LRMDA: variants seen among roughly 807,000 people sequenced by gnomAD.
LRMDA encodes the protein leucine-rich melanocyte differentiation-associated protein.
Under a neutral mutation model 29.8 loss-of-function variants are expected in LRMDA, and 18 were observed. That is an observed-to-expected ratio of 0.60 (90% CI 0.42 to 0.90). The LOEUF (loss-of-function observed/expected upper bound fraction) is 0.90, where lower values mean the gene tolerates loss of function less well. LRMDA is among the 40% of genes least tolerant of loss of function. LRMDA has a pLI of 0.00. For missense variants in LRMDA, 273 were observed against 273.9 expected (o/e 1.00, Z 0.02); for synonymous variants, 125 against 109.4 (o/e 1.14, Z -0.89).
intron 2 of LRMDA, among the ~76,000 whole-genome samples, chr10:75,631,462 C>G (rs1841322715): frequency 1.3e-5 from 2 of 151,436 alleles, no homozygotes; most frequent in African/African-American, 4.9e-5. Flanking sequence ...GCCATAAGAT[C>G]AACTCCCCAA....
chr10:75,564,817 A>T (rs367592707), intron 2 of LRMDA, among the ~76,000 whole-genome samples: 1 of 152,218 alleles, frequency 6.6e-6, no homozygotes, highest in Non-Finnish European at 1.5e-5. Flanking sequence ...GGTGAGGCCT[A>T]GACATCTATA....
intron 2 of LRMDA, among the ~76,000 whole-genome samples, chr10:75,939,295 T>G (rs1412924067): frequency 1.3e-5 from 2 of 152,216 alleles, no homozygotes; most frequent in African/African-American, 4.8e-5. Context: ...CTTTCCACTC[T>G]GAATTCACTG....
chr10:76,254,847 T>A (rs1852563198), intron 5 of LRMDA, among the ~76,000 whole-genome samples: 1 of 152,024 alleles, frequency 6.6e-6, no homozygotes, highest in East Asian at 1.9e-4. Context: ...TTACGACCGG[T>A]TTTATAGGAA....
chr10:76,367,390 T>C (rs369984420), intron 6 of LRMDA, among the ~76,000 whole-genome samples: 2 of 151,336 alleles, frequency 1.3e-5, no homozygotes, highest in South Asian at 4.2e-4. Flanking sequence ...TCCTGGACTT[T>C]TTGTTGTTGT....
chr10:76,515,112 CTG>C (rs1337344191), intron 6 of LRMDA, among the ~76,000 whole-genome samples: 5 of 152,158 alleles, frequency 3.3e-5, no homozygotes, highest in Non-Finnish European at 7.4e-5. Context: ...TTCAGGGACT[CTG>C]AGAACTAAGA....
chr10:75,513,686 T>C (rs1845254575), intron 2 of LRMDA, among the ~76,000 whole-genome samples: 1 of 152,154 alleles, frequency 6.6e-6, no homozygotes, highest in Admixed American at 6.5e-5. Context: ...TGCTAGCATT[T>C]TTTGGCTCTC....
intron 5 of LRMDA, among the ~76,000 whole-genome samples, chr10:76,292,295 T>C (rs1319202863): frequency 6.6e-6 from 1 of 152,170 alleles, no homozygotes; most frequent in African/African-American, 2.4e-5. Context: ...ATCCACAGTT[T>C]GGCAGAAGGG....
chr10:75,995,982 A>G (rs898507654), intron 2 of LRMDA, among the ~76,000 whole-genome samples: 3 of 152,192 alleles, frequency 2.0e-5, no homozygotes, highest in African/African-American at 4.8e-5. Flanking sequence ...GACAGACTCA[A>G]TGAATGTGCT....
chr10:76,486,021 T>G (rs986392189), intron 6 of LRMDA, among the ~76,000 whole-genome samples: 1 of 151,922 alleles, frequency 6.6e-6, no homozygotes, highest in African/African-American at 2.4e-5. Flanking sequence ...GTGATCCCTT[T>G]CAGAATATTC....
At chr10:76,309,345 T>G (rs2132375413) in intron 5 of LRMDA, among the ~76,000 whole-genome samples, 1 of 151,764 alleles carries the variant, frequency 6.6e-6, no homozygotes, top group African/African-American at 2.4e-5. Flanking sequence ...TGTCTGTGGG[T>G]GGTGGAGGTA....
intron 5 of LRMDA, among the ~76,000 whole-genome samples, chr10:76,129,634 C>G (rs1215349734): frequency 1.3e-5 from 2 of 152,134 alleles, no homozygotes; most frequent in Non-Finnish European, 2.9e-5. Flanking sequence ...TTTGCTAAAC[C>G]AGGCTTGTTT....
At chr10:76,108,990 T>C (rs984285206) in intron 5 of LRMDA, among the ~76,000 whole-genome samples, 15 of 152,168 alleles carry the variant, frequency 9.9e-5, no homozygotes, top group Non-Finnish European at 2.2e-4. Flanking sequence ...TCTGAAAGGA[T>C]AGAAAAGATG....
chr10:76,235,353 T>C (rs1206924524), intron 5 of LRMDA, among the ~76,000 whole-genome samples: 2 of 151,990 alleles, frequency 1.3e-5, no homozygotes, highest in African/African-American at 4.8e-5. Flanking sequence ...ATAATAATAA[T>C]GAAAAAGTTT....
chr10:75,808,052 GAAAATTCAC>G (rs1843889425), intron 2 of LRMDA, among the ~76,000 whole-genome samples: 1 of 152,142 alleles, frequency 6.6e-6, no homozygotes, highest in African/African-American at 2.4e-5. Context: ...TTATTTTTAG[GAAAATTCAC>G]CTTTGTCTTG....
At chr10:76,125,917 A>G (rs1340335214) in intron 5 of LRMDA, among the ~76,000 whole-genome samples, 4 of 152,202 alleles carry the variant, frequency 2.6e-5, no homozygotes, top group Non-Finnish European at 5.9e-5. Context: ...TCCTGACTAT[A>G]TGTTCTGACT....
intron 2 of LRMDA, among the ~76,000 whole-genome samples, chr10:75,687,118 T>C (rs779171661): frequency 6.6e-6 from 1 of 152,192 alleles, no homozygotes; most frequent in Non-Finnish European, 1.5e-5. Flanking sequence ...ATTAGGGCAA[T>C]TAATGACCCT....
chr10:76,292,187 G>A (rs1283273063), intron 5 of LRMDA, among the ~76,000 whole-genome samples: 1 of 152,184 alleles, frequency 6.6e-6, no homozygotes, highest in Non-Finnish European at 1.5e-5. Context: ...ATGCATTTTA[G>A]TTCCTCCTAT....
chr10:75,586,622 G>A (rs778405795), intron 2 of LRMDA, among the ~76,000 whole-genome samples: 5 of 152,102 alleles, frequency 3.3e-5, no homozygotes, highest in Non-Finnish European at 7.4e-5. Flanking sequence ...GTACAGACAT[G>A]AGGCACTGTG....
At chr10:75,877,788 C>G (rs945685520) in intron 2 of LRMDA, among the ~76,000 whole-genome samples, 2 of 152,162 alleles carry the variant, frequency 1.3e-5, no homozygotes, top group African/African-American at 2.4e-5. Context: ...GGACTCCTGT[C>G]CCAATTTTCC....
Sources: gnomAD v4.1 joint callset for allele counts (sites outside exome capture counted in the v4.1 genomes callset) on GRCh38, gnomAD v4.1.1 for gene constraint, MANE v1.5 for transcripts, NCBI Gene and HGNC (gene_info 2026-07-23, HGNC 2026-07-21) for gene names.